Variants in ZNF782 observed in about 807,000 individuals in gnomAD.
ZNF782 encodes the protein zinc finger protein 782.
ZNF782 carries 12 observed loss-of-function variants against 13.0 expected under a neutral mutation model. The observed-to-expected ratio is 0.92, with a 90% CI of 0.59 to 1.50. The LOEUF is 1.50. Among genes scored for constraint, ZNF782 ranks in the 40% most tolerant of loss-of-function variants. The probability of loss-of-function intolerance (pLI) is 0.00; values close to 1 mark genes in which losing one functional copy is unlikely to be tolerated. For synonymous variants in ZNF782, 284 were observed against 283.0 expected (o/e 1.00, Z -0.04); for missense variants, 770 against 822.9 (o/e 0.94, Z 0.79).
upstream of ZNF782, chr9:96,875,633 T>C (rs1350604541): frequency 2.2e-6 from 1 of 455,670 alleles, no homozygotes; most frequent in Admixed American, 2.3e-5. Flanking sequence ...TGAACACCTG[T>C]TCCTAAAGGG....
At chr9:96,902,438 A>AG in the ZNF782 span, among the ~76,000 whole-genome samples, 1 of 136,786 alleles carries the variant, frequency 7.3e-6, no homozygotes, top group African/African-American at 3.2e-5. Flanking sequence ...AAAAAAAAAA[A>AG]AAGATACTGG....
rs778470607 is a variant in ZNF782 at position 96,819,041 on chromosome 9, G to A, written c.982C>T (p.His328Tyr). The A allele has an allele frequency of 4.3e-6, 7 of 1,614,202 alleles. No homozygotes were observed. The East Asian group carries it at 1.3e-4, about 31-fold the overall frequency. Residue 328 changes from histidine to tyrosine, a missense_variant, in exon 6 of 6, where the codon CAT (histidine) becomes TAT (tyrosine). By Grantham distance (83) the His-to-Tyr change is moderately conservative. Coordinates refer to ENST00000481138, the MANE Select transcript of ZNF782 (RefSeq NM_001001662.3). ...TTATCTGTTGCATGAGTTCTCTGAT[G>A]CACTGGGAGGGTTGAATTACGGTTG... is the stretch of plus-strand genomic sequence containing the variant. ...SFNRNSTLPV[H>Y]QRTHATDKYS...
the ZNF782 span, among the ~76,000 whole-genome samples, chr9:96,896,677 T>G: frequency 1.3e-5 from 2 of 152,322 alleles, no homozygotes; most frequent in Non-Finnish European, 2.9e-5. Context: ...TCTGACCTAT[T>G]TGCCAAGTGA....
At chr9:96,825,487 T>C (rs967485478) in intron 5 of ZNF782, among the ~76,000 whole-genome samples, 23 of 152,232 alleles carry the variant, frequency 1.5e-4, no homozygotes, top group Admixed American at 1.4e-3. Flanking sequence ...ATTCAGGACA[T>C]AGGCATGGGC....
At chr9:96,877,553 TG>T (rs1851909150), upstream of ZNF782, among the ~76,000 whole-genome samples, 1 of 152,242 alleles carries the variant, frequency 6.6e-6, no homozygotes, top group Non-Finnish European at 1.5e-5. Context: ...CCGCCAAGAC[TG>T]GGGGCTTCCC....
At chr9:96,920,048 T>G in the ZNF782 span, among the ~76,000 whole-genome samples, 2 of 150,984 alleles carry the variant, frequency 1.3e-5, no homozygotes, top group East Asian at 4.1e-4. Flanking sequence ...GTAGGTAAAC[T>G]TCTGAAAGTT....
At chr9:96,858,077 G>A (rs1047678635), upstream of ZNF782, among the ~76,000 whole-genome samples, 2 of 152,148 alleles carry the variant, frequency 1.3e-5, no homozygotes, top group African/African-American at 4.8e-5. This position sits in a 1 kb window ranked among gnomAD's most constrained non-coding sequence, Gnocchi z 4.4. Flanking sequence ...ATAATTGGCC[G>A]CTGACAGGTC....
At chr9:96,893,948 G>T in the ZNF782 span, 2 of 139,184 alleles carry the variant, frequency 1.4e-5, no homozygotes, top group South Asian at 2.2e-4. Flanking sequence ...TGCAGTGAGC[G>T]GAGATCGCGC....
At chr9:96,864,877 TAAAA>T (rs35546553) in intron 1 of ZNF782, among the ~76,000 whole-genome samples, 11 of 92,820 alleles carry the variant, frequency 1.2e-4, no homozygotes, top group African/African-American at 4.1e-4. Context: ...CAAAAAGAAC[TAAAA>T]AAAAAAAAAA....
At chr9:96,827,035 C>T in intron 5 of ZNF782, 45 bp downstream of exon 5, 1 of 1,306,678 alleles carries the variant, frequency 7.7e-7, no homozygotes, top group African/African-American at 1.5e-5. Flanking sequence ...GTGAGTACTC[C>T]TAGTGAATCA....
chr9:96,910,357 GGAT>G, the ZNF782 span: 5 of 602,922 alleles, frequency 8.3e-6, no homozygotes, highest in South Asian at 6.3e-5. Context: ...AAGATGATGA[GGAT>G]GATGATGTCG....
At chr9:96,826,214 C>A (rs1850614725) in intron 5 of ZNF782, among the ~76,000 whole-genome samples, 1 of 152,122 alleles carries the variant, frequency 6.6e-6, no homozygotes, top group South Asian at 2.1e-4. Flanking sequence ...GAATACTATG[C>A]AGCCATTAAA....
At chr9:96,909,976 C>A in the ZNF782 span, 3 of 467,408 alleles carry the variant, frequency 6.4e-6, no homozygotes, top group African/African-American at 4.2e-5. Flanking sequence ...TTGCTCGCCG[C>A]GGCTGCCTCC....
At chr9:96,931,830 C>T in the ZNF782 span, 1 of 1,612,342 alleles carries the variant, frequency 6.2e-7, no homozygotes, top group Non-Finnish European at 8.5e-7. Context: ...CACAGGCCGC[C>T]CCTCGTGACT....
At chr9:96,823,708 T>C (rs1195826535) in intron 5 of ZNF782, among the ~76,000 whole-genome samples, 1 of 152,266 alleles carries the variant, frequency 6.6e-6, no homozygotes, top group African/African-American at 2.4e-5. Context: ...ATTTTGAACT[T>C]CTCAAATTAT....
chr9:96,833,981 G>T (rs1850898186), intron 4 of ZNF782, among the ~76,000 whole-genome samples: 1 of 152,120 alleles, frequency 6.6e-6, no homozygotes, highest in African/African-American at 2.4e-5. Context: ...GCTATGGTTT[G>T]GGTATGGTTT....
chr9:96,875,613 A>T, exon 1 of ZNF782: 1 of 456,458 alleles, frequency 2.2e-6, no homozygotes, highest in South Asian at 1.5e-5. Flanking sequence ...GCTTTCCCCA[A>T]GGTTCGCACT....
At chr9:96,930,878 T>TTTTTG in the ZNF782 span, among the ~76,000 whole-genome samples, 3 of 58,798 alleles carry the variant, frequency 5.1e-5, no homozygotes, top group African/African-American at 3.5e-4. Context: ...AGTGGTTTTT[T>TTTTTG]TTTTTTTTTT....
chr9:96,878,492 T>C (rs947611005), upstream of ZNF782, among the ~76,000 whole-genome samples: 2 of 152,246 alleles, frequency 1.3e-5, no homozygotes, highest in Non-Finnish European at 2.9e-5. Context: ...TACGACCAAT[T>C]GTCCACTGAT....
Sources: gnomAD v4.1 joint callset for allele counts (sites outside exome capture counted in the v4.1 genomes callset) on GRCh38, gnomAD v4.1.1 for gene constraint, Gnocchi (gnomAD v3.1) non-coding constraint, MANE v1.5 for transcripts, NCBI Gene and HGNC (gene_info 2026-07-23, HGNC 2026-07-21) for gene names.